ANKRD36: variants seen among roughly 807,000 people sequenced by gnomAD.
ANKRD36 encodes ankyrin repeat domain 36.
A neutral mutation model predicts 278.1 loss-of-function variants in ANKRD36; 179 were observed. The observed-to-expected ratio is 0.64, with a 90% CI of 0.57 to 0.73. The LOEUF is 0.73. Ranked by LOEUF, ANKRD36 falls within the 30% of genes least tolerant of loss-of-function variation. ANKRD36 has a pLI of 0.00. For missense variants in ANKRD36, 1,159 were observed against 1,956.7 expected, an observed-to-expected ratio of 0.59 and a Z score of 7.69; for synonymous variants, 320 against 641.1, an observed-to-expected ratio of 0.50 and a Z score of 7.57.
At chr2:97,208,198 A>G (rs2063388829) in intron 54 of ANKRD36, among the ~76,000 whole-genome samples, 192 bp downstream of exon 54, 1 of 146,532 alleles carries the variant, frequency 6.8e-6, no homozygotes, top group Non-Finnish European at 1.5e-5. Flanking sequence ...CAGTAAGATT[A>G]TACACTTCCC....
At chr2:97,198,313 A>G (rs1334991486) in intron 42 of ANKRD36, 150 bp from the exon 43 acceptor site, 65 of 1,476,698 alleles carry the variant, frequency 4.4e-5, no homozygotes, top group Non-Finnish European at 5.5e-5. Flanking sequence ...TATTTCTGTC[A>G]CGTTCTAGTC....
intron 67 of ANKRD36, among the ~76,000 whole-genome samples, chr2:97,226,986 T>G (rs1576368222): frequency 6.6e-6 from 1 of 152,214 alleles, no homozygotes; most frequent in East Asian, 2.0e-4. Flanking sequence ...TTGGTCTATA[T>G]CTCTGTTTTG....
At chr2:97,177,852 C>T (rs1461604582) in intron 22 of ANKRD36, among the ~76,000 whole-genome samples, 1 of 151,926 alleles carries the variant, frequency 6.6e-6, no homozygotes, top group African/African-American at 2.4e-5. Context: ...TAAAGAGCTT[C>T]TGCACTGCAA....
intron 66 of ANKRD36, among the ~76,000 whole-genome samples, chr2:97,222,272 G>C (rs1464057914): frequency 6.6e-6 from 1 of 151,874 alleles, no homozygotes; most frequent in Non-Finnish European, 1.5e-5. Flanking sequence ...GCTCTTTTTT[G>C]GTTCCATATG....
intron 75 of ANKRD36, among the ~76,000 whole-genome samples, chr2:97,260,956 A>C (rs2076687826): frequency 7.8e-6 from 1 of 128,320 alleles, no homozygotes; most frequent in Non-Finnish European, 1.5e-5. Flanking sequence ...CCTGTGTCAG[A>C]CTTCATAGAA....
At chr2:97,147,253 C>G (rs1298463298) in intron 11 of ANKRD36, among the ~76,000 whole-genome samples, 1 of 151,902 alleles carries the variant, frequency 6.6e-6, no homozygotes, top group Non-Finnish European at 1.5e-5. Context: ...TTTGCTGAAG[C>G]TTTTTCTTAT....
intron 22 of ANKRD36, among the ~76,000 whole-genome samples, chr2:97,175,204 C>T (rs1287298351): frequency 6.7e-6 from 1 of 149,322 alleles, no homozygotes; most frequent in Non-Finnish European, 1.5e-5. Context: ...AGGAATGGTA[C>T]CAGTTCCTCC....
At chr2:97,195,968 A>C (rs2059639710) in intron 40 of ANKRD36, among the ~76,000 whole-genome samples, 3 of 151,996 alleles carry the variant, frequency 2.0e-5, no homozygotes, top group Admixed American at 2.0e-4. Context: ...GGAAGGCTAA[A>C]CTAGTGGATA....
chr2:97,201,163 C>G (rs1477331513), intron 46 of ANKRD36, among the ~76,000 whole-genome samples: 1 of 151,894 alleles, frequency 6.6e-6, no homozygotes, highest in Middle Eastern at 3.2e-3. Flanking sequence ...CATAAAAACA[C>G]AATAACTCAT....
chr2:97,161,330 G>T (rs2048823185), intron 17 of ANKRD36, among the ~76,000 whole-genome samples: 1 of 152,286 alleles, frequency 6.6e-6, no homozygotes. Flanking sequence ...CTGCACTCCA[G>T]GTTTCCCTCA....
At chr2:97,222,111 G>T (rs1172183792) in intron 66 of ANKRD36, among the ~76,000 whole-genome samples, 16 of 151,982 alleles carry the variant, frequency 1.1e-4, no homozygotes, top group Admixed American at 2.0e-4. Context: ...TTATTTCTGA[G>T]GGCTCTGTTC....
rs2061678701 is a variant in ANKRD36, at chr2:97,202,537, G to A, written c.2959+144G>A. Reference sequence around the variant, plus strand: ...ATTCTTCATTTGTAGTAAGTTCTTGGGTGATGCTGATGCTGCTGGTCTGGA... The same window carrying A: ...ATTCTTCATTTGTAGTAAGTTCTTGAGTGATGCTGATGCTGCTGGTCTGGA... On this transcript the variant is annotated intron_variant, in intron 48 of 75. Transcript: ENST00000420699. 3 of 1,357,894 alleles carry A rather than the reference G, an allele frequency of 2.2e-6. 1 individual carries two copies. The highest frequency in any genetic ancestry group is 3.0e-5 in the South Asian group (2 of 66,810). 84.1% of individuals were successfully genotyped at this position (1,357,894 alleles called of 1,614,324 possible).
At chr2:97,118,555 A>G in intron 3 of ANKRD36, 38 bp downstream of exon 3, 2 of 1,468,742 alleles carry the variant, frequency 1.4e-6, no homozygotes, top group East Asian at 2.3e-5. Context: ...ACTATCTGAA[A>G]TGCATTTATT....
At position 97,202,200 on chromosome 2, in the gene ANKRD36, A is replaced by G. The variant is rs749878827; in HGVS notation, c.2858-2A>G. 20 of 1,609,418 alleles carry G rather than the reference A, an allele frequency of 1.2e-5. No individual in the cohort carries two copies. In the South Asian group the frequency reaches 2.2e-4, roughly 18 times the overall value. Reference sequence around the variant, plus strand: ...TGATTATGAATCCCTTTTGCTTTTCAGTGTCTTCTCAGAAACCACCAGCCT... The same window carrying G: ...TGATTATGAATCCCTTTTGCTTTTCGGTGTCTTCTCAGAAACCACCAGCCT... On this transcript the variant is annotated splice_acceptor_variant, in intron 46 of 75. Coordinates refer to ENST00000420699, the MANE Select transcript of ANKRD36 (RefSeq NM_001354587.1). LOFTEE classifies it high-confidence loss of function.
Position 97,195,423 on chromosome 2 carries a change from G to T in ANKRD36, c.2551+506G>T, listed in dbSNP as rs535001922. Among the ~76,000 whole-genome samples, 275 of 152,010 alleles carry T rather than the reference G, an allele frequency of 1.8e-3. 4 individuals carry two copies. Among genetic ancestry groups the T allele is most frequent in the South Asian group, 0.015 (71 of 4,792 alleles). ...AGAGGAAGTCATTTATATAATTTTG[G>T]GGTTACTGCTGAGGAAACCTGAGTG... On this transcript the variant is annotated intron_variant, in intron 40 of 75. Coordinates refer to ENST00000420699, the MANE Select transcript of ANKRD36 (RefSeq NM_001354587.1).
rs79083416 is a variant in ANKRD36, at chr2:97,188,603, G to A, written c.2144-484G>A. On this transcript the variant is annotated intron_variant, in intron 32 of 75. Coordinates refer to ENST00000420699, the MANE Select transcript of ANKRD36 (RefSeq NM_001354587.1). Reference sequence around the variant, plus strand: ...TCCACTGAAGAGATGTGAAGTATACGTTCAACTGAATTGTCGTGGTAACTG... The same window carrying A: ...TCCACTGAAGAGATGTGAAGTATACATTCAACTGAATTGTCGTGGTAACTG... Among the ~76,000 whole-genome samples the A allele has an allele frequency of 4.1e-5, 3 of 73,642 alleles. 1 individual carries two copies. The highest frequency in any genetic ancestry group is 3.8e-4 in the Admixed American group (3 of 7,846). 48.3% of individuals were successfully genotyped at this position (73,642 alleles called of 152,430 possible).
chr2:97,225,879 G>C (rs2069374983), intron 67 of ANKRD36, among the ~76,000 whole-genome samples: 5 of 150,874 alleles, frequency 3.3e-5, no homozygotes, highest in Admixed American at 1.3e-4. Flanking sequence ...TGCAGTGTTT[G>C]GTTTTTTGTC....
chr2:97,133,839 C>A (rs1379418317), intron 6 of ANKRD36, among the ~76,000 whole-genome samples: 5 of 151,526 alleles, frequency 3.3e-5, no homozygotes, highest in South Asian at 2.1e-4. Flanking sequence ...GCCATCCCCC[C>A]TCACGTGCAT....
At chr2:97,152,141 C>CGT in intron 13 of ANKRD36, among the ~76,000 whole-genome samples, 2 of 148,240 alleles carry the variant, frequency 1.3e-5, no homozygotes, top group South Asian at 4.2e-4. Context: ...TACAGGCGTG[C>CGT]ACCACCACAC....
Sources: allele counts gnomAD v4.1 joint callset (sites outside exome capture counted in the v4.1 genomes callset), GRCh38; gene constraint gnomAD v4.1.1; transcripts MANE v1.5; gene names NCBI Gene and HGNC (gene_info 2026-07-23, HGNC 2026-07-21).